DDX6: variants seen among roughly 807,000 people sequenced by gnomAD.
The protein encoded by DDX6 is probable ATP-dependent RNA helicase DDX6.
In DDX6, 7 loss-of-function variants were observed where a neutral mutation model predicts 60.6. The observed-to-expected ratio is 0.12, with a 90% CI of 0.07 to 0.22. The LOEUF (loss-of-function observed/expected upper bound fraction) is 0.22. DDX6 is among the 10% of genes least tolerant of loss of function. DDX6 has a pLI of 1.00. For synonymous variants in DDX6, 207 were observed against 201.0 expected (o/e 1.03, Z -0.25); for missense variants, 270 against 589.9 (o/e 0.46, Z 5.62).
Position 118,765,350 on chromosome 11 carries a change from C to A in DDX6, c.505G>T (p.Val169Leu). The A allele has an allele frequency of 6.2e-7, 1 of 1,613,822 alleles. No homozygotes were observed. The highest frequency in any genetic ancestry group is 1.1e-5 in the South Asian group (1 of 91,080). Residue 169 changes from valine to leucine, a missense_variant, in exon 6 of 14, where the codon GTG becomes TTG. Coordinates refer to ENST00000534980, the MANE Select transcript of DDX6 (RefSeq NM_004397.6). ...GCAAGTTCTCTAGTGGGAACAATCA[C>A]CATTGCTGAAACAGTATCAAGGAAT... ...DLKKDNIQAM[V>L]IVPTRELALQ...
At chr11:118,763,099 T>G (rs1025216344) in intron 7 of DDX6, 113 bp downstream of exon 7, 2 of 659,908 alleles carry the variant, frequency 3.0e-6, no homozygotes, top group Non-Finnish European at 5.1e-6. Flanking sequence ...AAACTGATTG[T>G]TTATGTGTTT....
intron 4 of DDX6, among the ~76,000 whole-genome samples, chr11:118,774,464 C>CTTTTTTTTTTTTTTTTTTTTTTTTTTTTT (rs11442846): frequency 8.6e-6 from 1 of 116,406 alleles, no homozygotes; most frequent in Non-Finnish European, 1.7e-5. Flanking sequence ...CTCTAACAGT[C>CTTTTTTTTTTTTTTTTTTTTTTTTTTTTT]TTTTTTTTTT....
chr11:118,774,246 G>C (rs1383049167), intron 4 of DDX6, among the ~76,000 whole-genome samples: 1 of 152,134 alleles, frequency 6.6e-6, no homozygotes, highest in Non-Finnish European at 1.5e-5. Context: ...GACAAAAACA[G>C]TATATTCTTA....
intron 11 of DDX6, 73 bp downstream of exon 11, chr11:118,756,187 G>A: frequency 1.7e-6 from 2 of 1,200,884 alleles, no homozygotes; most frequent in East Asian, 2.4e-5. Context: ...GTTGCACTAT[G>A]TAATATGAAC....
rs1275163702 is a variant in DDX6 at position 118,749,659 on chromosome 11, G to A, written c.*2446C>T. On this transcript the variant is annotated 3_prime_UTR_variant, in exon 14 of 14. Transcript: ENST00000534980. ...TTTAGTCACCCACACGTTCTCTAGCGAGATACAGAATTGCATTTATACTCT... is the reference window on the plus strand; with the variant it reads ...TTTAGTCACCCACACGTTCTCTAGCAAGATACAGAATTGCATTTATACTCT... 9 of 152,626 alleles carry A rather than the reference G, an allele frequency of 5.9e-5. No homozygotes were observed. The highest frequency in any genetic ancestry group is 1.7e-4 in the African/African-American group (7 of 41,446). 9.5% of individuals were successfully genotyped at this position (152,626 alleles called of 1,614,324 possible). A position where few individuals can be genotyped will look rare whatever the true frequency, so the allele number is the denominator to read the frequency against.
At chr11:118,786,564 CTTTG>C (rs746605671) in intron 1 of DDX6, 46 bp from the exon 2 acceptor site, 5 of 235,850 alleles carry the variant, frequency 2.1e-5, no homozygotes, top group Non-Finnish European at 8.2e-6. Flanking sequence ...AACAGAAAAA[CTTTG>C]TTTCCCTTTT....
chr11:118,758,869 G>A lies in DDX6; in HGVS notation c.898C>T (p.Leu300=). 6.2e-7 allele frequency: 1 copy of A among 1,613,868 alleles called. No individual in the cohort carries two copies. ...CCCTTCAGAGTTAGTTCCTCCATCAGGTTAATCTCATAGGGTTTCTGCAAA... is the reference window on the plus strand; with the variant it reads ...CCCTTCAGAGTTAGTTCCTCCATCAAGTTAATCTCATAGGGTTTCTGCAAA... ...SHLQKPYEIN[L]MEELTLKGVT... The change falls in exon 9 of 14, where the codon CTG becomes TTG. Residue 300 remains leucine, a synonymous_variant. Transcript: ENST00000534980.
Position 118,754,890 on chromosome 11 carries a change from A to C in DDX6, c.1277-3T>G. The C allele has an allele frequency of 1.3e-6, 2 of 1,591,052 alleles. No homozygotes were observed. The highest frequency in any genetic ancestry group is 1.7e-6 in the Non-Finnish European group (2 of 1,173,758). On this transcript the variant is annotated splice_polypyrimidine_tract_variant and splice_region_variant and intron_variant, in intron 12 of 13. Transcript: ENST00000534980. ...TAAGCCAAGATGACCAAAGCGACCT[A>C]AAAAACATGCGTTTAAAAATTTTAA...
chr11:118,765,740 C>T (rs1861329930), intron 5 of DDX6, among the ~76,000 whole-genome samples: 1 of 150,116 alleles, frequency 6.7e-6, no homozygotes, highest in Non-Finnish European at 1.5e-5. Context: ...CGCCACTGCA[C>T]TCCAGCCTGG....
chr11:118,765,059 G>T, intron 6 of DDX6, 150 bp downstream of exon 6: 1 of 852,036 alleles, frequency 1.2e-6, no homozygotes, highest in Non-Finnish European at 1.8e-6. Flanking sequence ...ATGGTAATTT[G>T]TCTTTTTCGC....
intron 13 of DDX6, among the ~76,000 whole-genome samples, chr11:118,753,884 CAGG>C (rs2137407227): frequency 6.6e-6 from 1 of 152,036 alleles, no homozygotes; most frequent in South Asian, 2.1e-4. Context: ...CACTTGAGGT[CAGG>C]AGTTCAAGAC....
rs1425443139 is a variant in DDX6, at chr11:118,751,975, G to T, written c.*130C>A. 2.6e-6 allele frequency: 1 copy of T among 386,478 alleles called. No homozygotes were observed. 23.9% of individuals were successfully genotyped at this position (386,478 alleles called of 1,614,324 possible). ...TCTTCACCAGTTAAAAAAAGAAAAT[G>T]TCTGAGCTCTTTTAAGTCTTCATAG... On this transcript the variant is annotated 3_prime_UTR_variant, in exon 14 of 14. Transcript: ENST00000534980.
chr11:118,767,170 G>A (rs1266271611), intron 5 of DDX6, among the ~76,000 whole-genome samples: 5 of 151,872 alleles, frequency 3.3e-5, no homozygotes, highest in Non-Finnish European at 7.4e-5. Context: ...TTACAGGCGT[G>A]AGCCACCACA....
Position 118,783,805 on chromosome 11 carries a change from C to T in DDX6, c.200+2247G>A, listed in dbSNP as rs536813908. On this transcript the variant is annotated intron_variant, in intron 2 of 13. Transcript: ENST00000534980. ...CTGGGCAACAGAGTGAGTGAGAGTC[C>T]ATCTCAAAAAAAAAAAAAATTAAAA... Among the ~76,000 whole-genome samples, 5 of 4,942 alleles carry T rather than the reference C, an allele frequency of 1.0e-3. No individual in the cohort carries two copies. In the South Asian group the frequency reaches 0.033, roughly 33 times the overall value. 3.2% of individuals were successfully genotyped at this position (4,942 alleles called of 152,430 possible). A position where few individuals can be genotyped will look rare whatever the true frequency, so the allele number is the denominator to read the frequency against.
intron 7 of DDX6, 116 bp downstream of exon 7, chr11:118,763,096 T>C (rs1013528312): frequency 1.9e-5 from 12 of 638,198 alleles, no homozygotes; most frequent in Admixed American, 8.9e-5. Context: ...TTTAAACTGA[T>C]TGTTTATGTG....
intron 10 of DDX6, among the ~76,000 whole-genome samples, chr11:118,756,944 T>C (rs1555159095): frequency 6.6e-6 from 1 of 152,232 alleles, no homozygotes. Flanking sequence ...AAAGTACTCA[T>C]TTAAACATTT....
rs1368100388 is a variant in DDX6, at chr11:118,764,818, AT to A, written c.646+390del. Reference sequence around the variant, plus strand: ...GACTCCATCTCCAAAAAAAAAAAAAATATACACACACACACACACATTATAT... The same window carrying A: ...GACTCCATCTCCAAAAAAAAAAAAAAATACACACACACACACACATTATAT... On this transcript the variant is annotated intron_variant, in intron 6 of 13. Transcript: ENST00000534980. 1.4e-4 allele frequency among the ~76,000 whole-genome samples: 16 copies of A among 111,102 alleles called. No individual in the cohort carries two copies. The East Asian group carries it at 4.0e-3, about 28-fold the overall frequency. The allele number at this position is 111,102 out of a possible 152,430, so 72.9% of individuals were successfully genotyped here.
In DDX6 at chr11:118,750,456, G is replaced by C. The variant is rs1250530860; in HGVS notation, c.*1649C>G. The C allele has an allele frequency of 1.3e-5, 2 of 152,154 alleles. No homozygotes were observed. Among genetic ancestry groups the C allele is most frequent in the Non-Finnish European group, 2.9e-5 (2 of 68,028 alleles). 9.4% of individuals were successfully genotyped at this position (152,154 alleles called of 1,614,324 possible). ...GCAAGAGAATGGCAAGCAGCTTTCT[G>C]TAGCATGAAAGTTAACAGCTCTCAG... On this transcript the variant is annotated 3_prime_UTR_variant, in exon 14 of 14. Coordinates refer to ENST00000534980, the MANE Select transcript of DDX6 (RefSeq NM_004397.6).
rs570806 is a variant in DDX6, at chr11:118,786,602, C to A, written c.-267-84G>T. 80,402 of 200,884 alleles carry A rather than the reference C, an allele frequency of 0.4. 16,669 individuals are homozygous for A. Among genetic ancestry groups the A allele is most frequent in the Admixed American group, 0.52 (8,865 of 16,898 alleles). 12.4% of individuals were successfully genotyped at this position (200,884 alleles called of 1,614,324 possible). ...TTAAAAGAACCCCTTTAAAAGAATT[C>A]TCATCTTTTATATTAAAGAATTAAT... On this transcript the variant is annotated intron_variant, in intron 1 of 13. Transcript: ENST00000534980.
Sources: gnomAD v4.1 joint callset for allele counts (sites outside exome capture counted in the v4.1 genomes callset) on GRCh38, gnomAD v4.1.1 for gene constraint, MANE v1.5 for transcripts, NCBI Gene and HGNC (gene_info 2026-07-23, HGNC 2026-07-21) for gene names.